DNPH1: variants seen among roughly 807,000 people sequenced by gnomAD.
DNPH1 encodes 5-hydroxymethyl-dUMP N-hydrolase.
Under a neutral mutation model 15.7 loss-of-function variants are expected in DNPH1, and 18 were observed. That is an observed-to-expected ratio of 1.15 (90% CI 0.79 to 1.70). The LOEUF is 1.70. Ranked by LOEUF, DNPH1 falls within the 40% of genes most tolerant of loss-of-function variation. DNPH1 has a pLI of 0.00. For missense variants in DNPH1, 262 were observed against 255.2 expected (o/e 1.03, Z -0.18); for synonymous variants, 114 against 107.9 (o/e 1.06, Z -0.35).
Position 43,225,726 on chromosome 6 carries a change from G to A in DNPH1, c.*7C>T. On this transcript the variant is annotated 3_prime_UTR_variant, in exon 4 of 4. Transcript: ENST00000230431. ...AGAATAGAAGAATTTAAGAAAGTGA[G>A]ATTAAGTCAAGTGGTTGGGTCAGGG... is the stretch of plus-strand genomic sequence containing the variant. 1 of 1,613,924 alleles carries A rather than the reference G, an allele frequency of 6.2e-7. No homozygotes were observed. The highest frequency in any genetic ancestry group is 8.5e-7 in the Non-Finnish European group (1 of 1,180,010).
At position 43,229,419 on chromosome 6, in the gene DNPH1, C is replaced by A; in HGVS notation, c.38G>T (p.Trp13Leu). Residue 13 changes from tryptophan (W) to leucine (L), a missense_variant, in exon 1 of 4, where the codon TGG (tryptophan) becomes TTG (leucine). By Grantham distance (61) the Trp-to-Leu change is moderately conservative (BLOSUM62 -2). Coordinates refer to ENST00000230431, the MANE Select transcript of DNPH1 (RefSeq NM_006443.3). The stretch of plus-strand genomic sequence containing the variant: ...CGGGCGGCCAGGCTCCCCGCGCTCC[C>A]AGCTCTCGCTGCGCCCCGGCACCAT... ...AAMVPGRSES[W>L]ERGEPGRPAL... 7.1e-7 allele frequency: 1 copy of A among 1,415,174 alleles called. No individual in the cohort carries two copies. The highest frequency in any genetic ancestry group is 3.0e-5 in the East Asian group (1 of 33,194). 87.7% of individuals were successfully genotyped at this position (1,415,174 alleles called of 1,614,324 possible).
chr6:43,229,365 C>A lies in DNPH1; in HGVS notation c.92G>T (p.Gly31Val). Residue 31 changes from glycine to valine, a missense_variant, in exon 1 of 4, where the codon GGC becomes GTC. Transcript: ENST00000230431. ...PALYFCGSIRGGREDRTLYER... is the reference protein window; with the variant it reads ...PALYFCGSIRVGREDRTLYER... ...GTACAGCGTCCTGTCCTCGCGTCCG[C>A]CGCGAATGCTCCCGCAGAAGTACAG... is the stretch of plus-strand genomic sequence containing the variant. 6.7e-7 allele frequency: 1 copy of A among 1,486,966 alleles called. No individual in the cohort carries two copies. The allele number at this position is 1,486,966 out of a possible 1,614,324, so 92.1% of individuals were successfully genotyped here.
rs372892770 is a variant in DNPH1 at position 43,226,455 on chromosome 6, G to A, written c.197-60C>T. The A allele has an allele frequency of 6.0e-6, 9 of 1,503,104 alleles. No homozygotes were observed. The African/African-American group carries it at 1.2e-4, about 21-fold the overall frequency. The allele number at this position is 1,503,104 out of a possible 1,614,324, so 93.1% of individuals were successfully genotyped here. A position where few individuals can be genotyped will look rare whatever the true frequency, so the allele number is the denominator to read the frequency against. On this transcript the variant is annotated intron_variant, in intron 1 of 3. Coordinates refer to ENST00000230431, the MANE Select transcript of DNPH1 (RefSeq NM_006443.3). The surrounding 1 kb of genome is among the most constrained non-coding windows in gnomAD (Gnocchi z 4.1). ...CATGCTGGCTCCCAGTAACTCCTAT[G>A]CCCTTGTATGTCCATACCCACCCTG... is the stretch of plus-strand genomic sequence containing the variant.
At position 43,229,301 on chromosome 6, in the gene DNPH1, C is replaced by T; in HGVS notation, c.156G>A (p.Val52=). 1.4e-6 allele frequency: 2 copies of T among 1,476,748 alleles called. No individual in the cohort carries two copies. Among genetic ancestry groups the T allele is most frequent in the South Asian group, 1.3e-5 (1 of 77,514 alleles). The allele number at this position is 1,476,748 out of a possible 1,614,324, so 91.5% of individuals were successfully genotyped here. The change falls in exon 1 of 4, where the codon GTG becomes GTA. Residue 52 remains valine, a synonymous_variant. Transcript: ENST00000230431. ...CGGCGGCCGCCACGTGCTCGGTGAG[C>T]ACTGTCCCGAATCGCCGCAGCCGAG... ...IVSRLRRFGT[V]LTEHVAAAEL... is the part of the protein sequence containing the mutation.
rs777802179 is a variant in DNPH1, at chr6:43,229,376, C to T, written c.81G>A (p.Gly27=). Residue 27 remains glycine, a synonymous_variant, in exon 1 of 4, where the codon GGG becomes GGA. Transcript: ENST00000230431. ...EPGRPALYFC[G]SIRGGREDRT... is the part of the protein sequence containing the mutation. ...TGTCCTCGCGTCCGCCGCGAATGCT[C>T]CCGCAGAAGTACAGGGCCGGGCGGC... is the stretch of plus-strand genomic sequence containing the variant. 3.4e-5 allele frequency: 50 copies of T among 1,486,592 alleles called. No individual in the cohort carries two copies. In the African/African-American group the frequency reaches 6.7e-4, roughly 20 times the overall value. 92.1% of individuals were successfully genotyped at this position (1,486,592 alleles called of 1,614,324 possible).
intron 1 of DNPH1, among the ~76,000 whole-genome samples, chr6:43,227,440 G>T (rs1046764318): frequency 2.0e-5 from 3 of 151,806 alleles, no homozygotes; most frequent in Non-Finnish European, 4.4e-5. Context: ...GTACATATTC[G>T]AAGGCTTTAT....
chr6:43,228,092 AT>A (rs1776769799), intron 1 of DNPH1, among the ~76,000 whole-genome samples: 1 of 121,670 alleles, frequency 8.2e-6, no homozygotes, highest in Non-Finnish European at 1.9e-5. Context: ...CTGTTTCCAA[AT>A]AAATAACTAA....
chr6:43,229,131 G>A (rs1197307637), intron 1 of DNPH1, 130 bp downstream of exon 1: 5 of 967,214 alleles, frequency 5.2e-6, no homozygotes, highest in East Asian at 1.1e-4. Flanking sequence ...TGGAGCACCG[G>A]GGTAGGAGGG....
At chr6:43,227,852 G>A (rs766622054) in intron 1 of DNPH1, among the ~76,000 whole-genome samples, 2 of 152,150 alleles carry the variant, frequency 1.3e-5, no homozygotes, top group Non-Finnish European at 2.9e-5. Flanking sequence ...CACTTTGGGA[G>A]GCTGAGGCAG....
Position 43,226,544 on chromosome 6 carries a change from G to C in DNPH1, c.197-149C>G. 1.5e-6 allele frequency: 1 copy of C among 665,848 alleles called. No homozygotes were observed. The highest frequency in any genetic ancestry group is 2.5e-6 in the Non-Finnish European group (1 of 402,356). 41.2% of individuals were successfully genotyped at this position (665,848 alleles called of 1,614,324 possible). A position where few individuals can be genotyped will look rare whatever the true frequency, so the allele number is the denominator to read the frequency against. On this transcript the variant is annotated intron_variant, in intron 1 of 3. Coordinates refer to ENST00000230431, the MANE Select transcript of DNPH1 (RefSeq NM_006443.3). The surrounding 1 kb of genome is among the most constrained non-coding windows in gnomAD (Gnocchi z 4.1). ...CAAACATGACAATCTCATCAAAGCA[G>C]CGAGGAAATGGAATAGCCACAAAAA...
In DNPH1 at chr6:43,226,367, G is replaced by A. The variant is rs1367748408; in HGVS notation, c.225C>T (p.Leu75=). The A allele has an allele frequency of 6.2e-6, 10 of 1,612,774 alleles. No homozygotes were observed. Among genetic ancestry groups the A allele is most frequent in the Non-Finnish European group, 7.6e-6 (9 of 1,179,962 alleles). The part of the protein sequence containing the change: ...RGEEAAGGDR[L]IHEQDLEWLQ... Reference sequence around the variant, plus strand: ...GCCACTCCAGGTCCTGCTCATGGATGAGCCTGTCACCCCCAGCAGCCTCTT... The same window carrying A: ...GCCACTCCAGGTCCTGCTCATGGATAAGCCTGTCACCCCCAGCAGCCTCTT... Residue 75 remains leucine, a synonymous_variant, in exon 2 of 4, where the codon CTC becomes CTT. Transcript: ENST00000230431. This position sits in a 1 kb window ranked among gnomAD's most constrained non-coding sequence, Gnocchi z 4.1.
chr6:43,229,472 G>A lies in DNPH1; in HGVS notation c.-16C>T, dbSNP rs780115160. The stretch of plus-strand genomic sequence containing the variant: ...CAGCAGCCATTCCCCAGCCGCCCGC[G>A]CTCTCCGGCGCCAGGGGGCGCCAGC... On this transcript the variant is annotated 5_prime_UTR_variant, in exon 1 of 4. Transcript: ENST00000230431. 1 of 1,285,066 alleles carries A rather than the reference G, an allele frequency of 7.8e-7. No individual in the cohort carries two copies. The highest frequency in any genetic ancestry group is 9.8e-7 in the Non-Finnish European group (1 of 1,018,698). 79.6% of individuals were successfully genotyped at this position (1,285,066 alleles called of 1,614,324 possible). A position where few individuals can be genotyped will look rare whatever the true frequency, so the allele number is the denominator to read the frequency against.
chr6:43,226,488 A>T lies in DNPH1; in HGVS notation c.197-93T>A. The T allele has an allele frequency of 7.7e-6, 9 of 1,173,810 alleles. No individual in the cohort carries two copies. The highest frequency in any genetic ancestry group is 1.5e-5 in the South Asian group (1 of 65,402). The allele number at this position is 1,173,810 out of a possible 1,614,324, so 72.7% of individuals were successfully genotyped here. A position where few individuals can be genotyped will look rare whatever the true frequency, so the allele number is the denominator to read the frequency against. On this transcript the variant is annotated intron_variant, in intron 1 of 3. Coordinates refer to ENST00000230431, the MANE Select transcript of DNPH1 (RefSeq NM_006443.3). This position sits in a 1 kb window ranked among gnomAD's most constrained non-coding sequence, Gnocchi z 4.1. The stretch of plus-strand genomic sequence containing the variant: ...ATGTCCATACCCACCCTGCTCAGGG[A>T]GGGTGGGAGCCTTGTGCCAGATGAC...
In DNPH1 at chr6:43,229,347, G is replaced by A. The variant is rs748255178; in HGVS notation, c.110C>T (p.Thr37Met). ...CCGAGACACGATCCGCTCGTACAGC[G>A]TCCTGTCCTCGCGTCCGCCGCGAAT... ...GSIRGGREDR[T>M]LYERIVSRLR... The change falls in exon 1 of 4, where the codon ACG becomes ATG. Residue 37 changes from threonine (T) to methionine (M), a missense_variant. Transcript: ENST00000230431. 24 of 1,490,904 alleles carry A rather than the reference G, an allele frequency of 1.6e-5. No individual in the cohort carries two copies. Among genetic ancestry groups the A allele is most frequent in the Non-Finnish European group, 1.7e-5 (19 of 1,122,726 alleles). 92.4% of individuals were successfully genotyped at this position (1,490,904 alleles called of 1,614,324 possible).
chr6:43,225,969 C>A (rs563139047), intron 3 of DNPH1, 64 bp downstream of exon 3: 1 of 1,613,074 alleles, frequency 6.2e-7, no homozygotes. Context: ...TGCTCAGAGC[C>A]CACCAGGGAA....
chr6:43,226,463 A>G lies in DNPH1; in HGVS notation c.197-68T>C, dbSNP rs1776744168. The stretch of plus-strand genomic sequence containing the variant: ...CTCCCAGTAACTCCTATGCCCTTGT[A>G]TGTCCATACCCACCCTGCTCAGGGA... On this transcript the variant is annotated intron_variant, in intron 1 of 3. Coordinates refer to ENST00000230431, the MANE Select transcript of DNPH1 (RefSeq NM_006443.3). The surrounding 1 kb of genome is among the most constrained non-coding windows in gnomAD (Gnocchi z 4.1). The G allele has an allele frequency of 7.6e-6, 11 of 1,449,780 alleles. No homozygotes were observed. Among genetic ancestry groups the G allele is most frequent in the Non-Finnish European group, 1.0e-5 (11 of 1,067,286 alleles). The allele number at this position is 1,449,780 out of a possible 1,614,324, so 89.8% of individuals were successfully genotyped here. A position where few individuals can be genotyped will look rare whatever the true frequency, so the allele number is the denominator to read the frequency against.
In DNPH1 at chr6:43,226,378, C is replaced by G; in HGVS notation, c.214G>C (p.Gly72Arg). 6.2e-7 allele frequency: 1 copy of G among 1,612,602 alleles called. No individual in the cohort carries two copies. The highest frequency in any genetic ancestry group is 8.5e-7 in the Non-Finnish European group (1 of 1,179,856). The change falls in exon 2 of 4, where the codon GGT becomes CGT. Residue 72 changes from glycine to arginine, a missense_variant. Transcript: ENST00000230431. This position sits in a 1 kb window ranked among gnomAD's most constrained non-coding sequence, Gnocchi z 4.1. ...LGARGEEAAG[G>R]DRLIHEQDLE... ...TCCTGCTCATGGATGAGCCTGTCAC[C>G]CCCAGCAGCCTCTTCCCCTGTGTTG...
intron 3 of DNPH1, 73 bp downstream of exon 3, chr6:43,225,960 G>C (rs1385397433): frequency 1.2e-6 from 2 of 1,613,158 alleles, no homozygotes; most frequent in Non-Finnish European, 1.7e-6. Flanking sequence ...GAGGCGCGGT[G>C]CTCAGAGCCC....
At position 43,225,662 on chromosome 6, in the gene DNPH1, T is replaced by A; in HGVS notation, c.*71A>T. On this transcript the variant is annotated 3_prime_UTR_variant, in exon 4 of 4. Transcript: ENST00000230431. ...TTAACTGTACCTTTTAATTTGCTCC[T>A]GGGGCTAAGAGGAAGGAATGGTACT... 1 of 1,571,798 alleles carries A rather than the reference T, an allele frequency of 6.4e-7. No individual in the cohort carries two copies. Among genetic ancestry groups the A allele is most frequent in the South Asian group, 1.1e-5 (1 of 89,426 alleles).
Sources: allele counts gnomAD v4.1 joint callset (sites outside exome capture counted in the v4.1 genomes callset), GRCh38; gene constraint gnomAD v4.1.1; non-coding constraint Gnocchi (gnomAD v3.1); transcripts MANE v1.5; gene names NCBI Gene and HGNC (gene_info 2026-07-23, HGNC 2026-07-21).